The following C17orf114 variants were observed in gnomAD, a reference collection of about 807,000 sequenced individuals.
C17orf114 encodes uncharacterized protein C17orf114.
chr17:4,802,183 C>T (rs1274616635), intron 1 of C17orf114, 64 bp downstream of exon 1: 1 of 398,900 alleles, frequency 2.5e-6, no homozygotes, highest in Non-Finnish European at 4.4e-6. Flanking sequence ...CATTTCTCTC[C>T]CTGCCATGCA....
intron 1 of C17orf114, among the ~76,000 whole-genome samples, chr17:4,801,880 G>A (rs1038858742): frequency 5.9e-4 from 89 of 151,884 alleles, no homozygotes; most frequent in African/African-American, 1.7e-3. Context: ...ACAGGCGCCC[G>A]CCACCACACC....
chr17:4,802,276 C>A (rs1224008429), exon 1 of C17orf114: 4 of 399,730 alleles, frequency 1.0e-5, no homozygotes, highest in Non-Finnish European at 8.8e-6. Flanking sequence ...CCGCTGCCTC[C>A]GGCACCCGCA....
At chr17:4,805,202 C>A (rs1357719844), upstream of C17orf114, among the ~76,000 whole-genome samples, 1 of 149,880 alleles carries the variant, frequency 6.7e-6, no homozygotes, top group Admixed American at 6.7e-5. Flanking sequence ...CCAAGGAGGG[C>A]GGATCATTTG....
At chr17:4,801,931 G>A (rs372415648) in intron 1 of C17orf114, among the ~76,000 whole-genome samples, 7 of 152,008 alleles carry the variant, frequency 4.6e-5, no homozygotes, top group Non-Finnish European at 1.0e-4. Flanking sequence ...GGGTTTCACC[G>A]TGTTAGCCAG....
upstream of C17orf114, among the ~76,000 whole-genome samples, chr17:4,804,431 C>T (rs1188539365): frequency 6.6e-6 from 1 of 151,776 alleles, no homozygotes; most frequent in African/African-American, 2.4e-5. Flanking sequence ...GTCTCGATAT[C>T]GTGACCTCGT....
upstream of C17orf114, among the ~76,000 whole-genome samples, chr17:4,804,297 C>G (rs951723445): frequency 1.3e-5 from 2 of 150,818 alleles, no homozygotes; most frequent in African/African-American, 2.4e-5. Context: ...CTCCGCCTCC[C>G]GGGTTCACGC....
upstream of C17orf114, among the ~76,000 whole-genome samples, chr17:4,803,731 T>C (rs1905573695): frequency 6.6e-6 from 1 of 151,494 alleles, no homozygotes; most frequent in East Asian, 1.9e-4. Context: ...CGGCCTTTTT[T>C]TAATTTTTGA....
upstream of C17orf114, among the ~76,000 whole-genome samples, chr17:4,805,703 G>A (rs994080537): frequency 1.3e-5 from 2 of 152,016 alleles, no homozygotes; most frequent in African/African-American, 4.8e-5. Flanking sequence ...TGTAATCCCA[G>A]TACTTTGGAA....
upstream of C17orf114, among the ~76,000 whole-genome samples, chr17:4,804,139 G>A (rs1349981166): frequency 1.3e-5 from 2 of 152,106 alleles, no homozygotes; most frequent in Non-Finnish European, 2.9e-5. Flanking sequence ...CTAGTCAAGA[G>A]CATCCTAGCC....
chr17:4,803,901 T>C (rs1905576663), upstream of C17orf114, among the ~76,000 whole-genome samples: 2 of 151,774 alleles, frequency 1.3e-5, no homozygotes, highest in African/African-American at 2.4e-5. Flanking sequence ...TTTGTATTTT[T>C]AGTAGAGATG....
chr17:4,805,152 C>T (rs1597313560), upstream of C17orf114, among the ~76,000 whole-genome samples: 1 of 151,766 alleles, frequency 6.6e-6, no homozygotes, highest in Non-Finnish European at 1.5e-5. Context: ...AGTTTAAGAC[C>T]GGGTGCGGTG....
chr17:4,801,273 C>T (rs576431312), exon 2 of C17orf114: 1 of 398,698 alleles, frequency 2.5e-6, no homozygotes, highest in South Asian at 1.3e-4. Flanking sequence ...GGAGGTTCAC[C>T]TCCTCGTCGT....
upstream of C17orf114, among the ~76,000 whole-genome samples, chr17:4,804,742 C>T (rs1175250731): frequency 6.6e-6 from 1 of 151,242 alleles, no homozygotes; most frequent in Non-Finnish European, 1.5e-5. Flanking sequence ...CGCATCACCA[C>T]ACTCAGCTAA....
At chr17:4,804,012 A>G (rs1311984359), upstream of C17orf114, among the ~76,000 whole-genome samples, 1 of 151,788 alleles carries the variant, frequency 6.6e-6, no homozygotes, top group African/African-American at 2.4e-5. Flanking sequence ...ATCAGCCACC[A>G]CACCCAGCCC....
exon 2 of C17orf114, chr17:4,801,223 C>G: frequency 2.5e-6 from 1 of 398,490 alleles, no homozygotes; most frequent in Non-Finnish European, 4.4e-6. Flanking sequence ...ACATTAGGAT[C>G]GCTGAGAAAT....
At chr17:4,803,839 A>C (rs936342274), upstream of C17orf114, among the ~76,000 whole-genome samples, 5 of 151,850 alleles carry the variant, frequency 3.3e-5, no homozygotes, top group East Asian at 7.8e-4. Flanking sequence ...CTCCTGTCCC[A>C]GCCTCCCAAG....
upstream of C17orf114, among the ~76,000 whole-genome samples, chr17:4,805,158 C>T (rs1181266327): frequency 6.6e-6 from 1 of 152,054 alleles, no homozygotes; most frequent in Non-Finnish European, 1.5e-5. Flanking sequence ...AGACCGGGTG[C>T]GGTGGCTCAC....
chr17:4,801,823 C>T (rs915678514), intron 1 of C17orf114, among the ~76,000 whole-genome samples: 8 of 151,936 alleles, frequency 5.3e-5, no homozygotes, highest in South Asian at 2.1e-4. Flanking sequence ...CTCCGCCTCC[C>T]GGGTTCAAGT....
At chr17:4,805,422 CA>C (rs111565698), upstream of C17orf114, among the ~76,000 whole-genome samples, 22 of 135,842 alleles carry the variant, frequency 1.6e-4, no homozygotes, top group African/African-American at 2.2e-4. Flanking sequence ...AACTCTGTCT[CA>C]AAAAAAAAAA....
Sources: gnomAD v4.1 joint callset for allele counts (sites outside exome capture counted in the v4.1 genomes callset) on GRCh38, gnomAD v4.1.1 for gene constraint, MANE v1.5 for transcripts, NCBI Gene and HGNC (gene_info 2026-07-23, HGNC 2026-07-21) for gene names.